The following SVIL variants were observed in gnomAD, a reference collection of about 807,000 sequenced individuals.
SVIL encodes supervillin.
A neutral mutation model predicts 240.4 loss-of-function variants in SVIL; 101 were observed. The observed-to-expected ratio is 0.42, with a 90% CI of 0.36 to 0.50. The LOEUF is 0.50. SVIL is among the 20% of genes least tolerant of loss of function. The pLI is 0.01. For synonymous variants in SVIL, 999 were observed against 1,100.0 expected, an observed-to-expected ratio of 0.91 and a Z score of 1.82; for missense variants, 2,512 against 2,818.7, an observed-to-expected ratio of 0.89 and a Z score of 2.46.
chr10:29,538,566 C>T (rs1479476321), intron 6 of SVIL, among the ~76,000 whole-genome samples: 1 of 152,176 alleles, frequency 6.6e-6, no homozygotes, highest in East Asian at 1.9e-4. Flanking sequence ...TGCGATGCTC[C>T]CCTGCGATGC....
At chr10:29,597,660 A>G (rs1308033374) in intron 1 of SVIL, among the ~76,000 whole-genome samples, 1 of 152,000 alleles carries the variant, frequency 6.6e-6, no homozygotes. Flanking sequence ...GCGGCCTCCC[A>G]AAGTGCTGGG....
chr10:29,673,360 ACTT>A (rs1355440314), intron 2 of SVIL, among the ~76,000 whole-genome samples: 2 of 152,084 alleles, frequency 1.3e-5, no homozygotes, highest in African/African-American at 2.4e-5. Context: ...AATAATGAAT[ACTT>A]TTTTTTTTTA....
intron 1 of SVIL, among the ~76,000 whole-genome samples, chr10:29,704,234 A>T (rs1306140394): frequency 6.6e-6 from 1 of 152,050 alleles, no homozygotes; most frequent in Non-Finnish European, 1.5e-5. Context: ...GTGCTTTCTC[A>T]TAAGTTTTCC....
At chr10:29,636,830 G>T (rs1230396950), upstream of SVIL, among the ~76,000 whole-genome samples, 1 of 152,014 alleles carries the variant, frequency 6.6e-6, no homozygotes, top group South Asian at 2.1e-4. Flanking sequence ...TTGAGACATG[G>T]TCTTGCTCTG....
chr10:29,550,992 A>G lies in SVIL; in HGVS notation c.432T>C (p.Asp144=). The change falls in exon 6 of 38, where the codon GAT becomes GAC. Residue 144 remains aspartate, a synonymous_variant. Transcript: ENST00000355867. ...TTTTTCCTCCCCGCTTCTCGACAGC[A>G]TCAGGCTCCTTCCTGGACTTGGTAT... The part of the protein sequence containing the change: ...SRYTKSRKEP[D]AVEKRGGKSD... The G allele has an allele frequency of 1.9e-6, 3 of 1,614,146 alleles. No homozygotes were observed. The African/African-American group carries it at 4.0e-5, about 22-fold the overall frequency.
In SVIL at chr10:29,507,575, G is replaced by T. The variant is rs78672882; in HGVS notation, c.3516+5160C>A. Among the ~76,000 whole-genome samples, 15 of 101,858 alleles carry T rather than the reference G, an allele frequency of 1.5e-4. No individual in the cohort carries two copies. In the East Asian group the frequency reaches 3.2e-3, roughly 22 times the overall value. The allele number at this position is 101,858 out of a possible 152,430, so 66.8% of individuals were successfully genotyped here. A position where few individuals can be genotyped will look rare whatever the true frequency, so the allele number is the denominator to read the frequency against. The stretch of plus-strand genomic sequence containing the variant: ...CACACTCATAGATACACACTCTCAT[G>T]GACACACACACAATTGTACTGCCAC... On this transcript the variant is annotated intron_variant, in intron 17 of 37. Coordinates refer to ENST00000355867, the MANE Select transcript of SVIL (RefSeq NM_021738.3).
Position 29,550,802 on chromosome 10 carries a change from C to T in SVIL, c.622G>A (p.Gly208Ser). Residue 208 changes from glycine to serine, a missense_variant, in exon 6 of 38, where the codon GGT (glycine) becomes AGT (serine). Around this residue, in one of 3 missense-constraint regions of SVIL, gnomAD observed 1,443 missense variants for 1,486.6 expected, o/e 0.97. Transcript: ENST00000355867. Reference protein sequence around the residue: ...VLLNIENQRRGQELSATRQAH... With the variant: ...VLLNIENQRRSQELSATRQAH... ...TGCCGGGTGGCACTCAGCTCTTGAC[C>T]TCGTCTTTGGTTTTCTATGTTCAGC... 6.2e-7 allele frequency: 1 copy of T among 1,614,122 alleles called. No homozygotes were observed. The highest frequency in any genetic ancestry group is 8.5e-7 in the Non-Finnish European group (1 of 1,180,028).
rs956315379 is a variant in SVIL at position 29,458,274 on chromosome 10, G to T, written c.6618C>A (p.Asn2206Lys). Reference protein sequence around the residue: ...YNALPAWKQVNLKKAKGLF With the variant: ...YNALPAWKQVKLKKAKGLF ...AGAACAGGCCTTTTGCTTTCTTCAGGTTCACCTGCTTCCAGGCGGGCAGGG... is the reference window on the plus strand; with the variant it reads ...AGAACAGGCCTTTTGCTTTCTTCAGTTTCACCTGCTTCCAGGCGGGCAGGG... Residue 2206 changes from asparagine (N) to lysine (K), a missense_variant, in exon 38 of 38, where the codon AAC (asparagine) becomes AAA (lysine). Physicochemically the swap from Asn to Lys is moderately conservative, Grantham distance 94. Transcript: ENST00000355867. 5 of 1,614,206 alleles carry T rather than the reference G, an allele frequency of 3.1e-6. No individual in the cohort carries two copies. Among genetic ancestry groups the T allele is most frequent in the Non-Finnish European group, 3.4e-6 (4 of 1,180,048 alleles).
intron 1 of SVIL, among the ~76,000 whole-genome samples, chr10:29,605,537 C>T (rs12780309): frequency 0.29 from 43,527 of 151,748 alleles, 6,584 homozygotes; most frequent in Admixed American, 0.32. Context: ...GCTGTCTGTT[C>T]AGATCTTTTG....
At chr10:29,563,691 C>T (rs1954713899) in intron 2 of SVIL, among the ~76,000 whole-genome samples, 2 of 152,160 alleles carry the variant, frequency 1.3e-5, no homozygotes, top group South Asian at 4.1e-4. Flanking sequence ...AGGTGATCTA[C>T]ACTCTGTCTT....
intron 13 of SVIL, among the ~76,000 whole-genome samples, chr10:29,526,518 C>T (rs370995325): frequency 1.4e-4 from 22 of 152,030 alleles, no homozygotes; most frequent in African/African-American, 4.8e-4. Context: ...TTGGCCAGGA[C>T]GGTCTCAATC....
intron 1 of SVIL, among the ~76,000 whole-genome samples, chr10:29,589,777 C>T (rs1456537503): frequency 6.6e-6 from 1 of 152,178 alleles, no homozygotes; most frequent in East Asian, 1.9e-4. Context: ...CTCAAGACCT[C>T]AGGAACTGCA....
At chr10:29,539,398 G>C (rs1182266276) in intron 6 of SVIL, among the ~76,000 whole-genome samples, 1 of 152,190 alleles carries the variant, frequency 6.6e-6, no homozygotes, top group Non-Finnish European at 1.5e-5. Context: ...GCCTCACCAG[G>C]AGGGCCTGAC....
At chr10:29,511,332 T>G (rs963454009) in intron 17 of SVIL, among the ~76,000 whole-genome samples, 1 of 138,864 alleles carries the variant, frequency 7.2e-6, no homozygotes, top group African/African-American at 2.6e-5. Flanking sequence ...TGCTTCGTGC[T>G]TTTTGGCTTC....
intron 1 of SVIL, among the ~76,000 whole-genome samples, chr10:29,691,212 A>ATT (rs1364591858): frequency 1.4e-4 from 20 of 142,514 alleles, no homozygotes; most frequent in African/African-American, 3.1e-4. Flanking sequence ...ATAATGAATA[A>ATT]TTTTTTTTTT....
At chr10:29,541,238 G>C (rs1952130157) in intron 6 of SVIL, among the ~76,000 whole-genome samples, 2 of 152,134 alleles carry the variant, frequency 1.3e-5, no homozygotes, top group South Asian at 4.1e-4. Context: ...TGGGAGATTT[G>C]CTTTATACAA....
intron 1 of SVIL, among the ~76,000 whole-genome samples, chr10:29,694,927 A>G (rs1299722843): frequency 6.6e-6 from 1 of 152,200 alleles, no homozygotes; most frequent in Non-Finnish European, 1.5e-5. Flanking sequence ...AGGCAGCTAG[A>G]GGAAGGGAGG....
At chr10:29,590,425 T>C (rs1272564397) in intron 1 of SVIL, among the ~76,000 whole-genome samples, 1 of 152,076 alleles carries the variant, frequency 6.6e-6, no homozygotes, top group Non-Finnish European at 1.5e-5. Flanking sequence ...ACCACTGCAT[T>C]TTCCCCCGAC....
chr10:29,570,446 C>T (rs1449508043), intron 1 of SVIL, among the ~76,000 whole-genome samples: 1 of 152,156 alleles, frequency 6.6e-6, no homozygotes, highest in Non-Finnish European at 1.5e-5. Flanking sequence ...CTTAGCGTTT[C>T]AGTTTTGTTC....
Sources: gnomAD v4.1 joint callset for allele counts (sites outside exome capture counted in the v4.1 genomes callset) on GRCh38, gnomAD v4.1.1 for gene constraint, gnomAD v4.1.1 regional missense constraint, MANE v1.5 for transcripts, NCBI Gene and HGNC (gene_info 2026-07-23, HGNC 2026-07-21) for gene names.